The following ATOSA variants were observed in gnomAD, a reference collection of about 807,000 sequenced individuals.
ATOSA encodes the protein atos homolog A.
At chr15:52,613,883 C>T in the ATOSA span, 1 of 1,598,234 alleles carries the variant, frequency 6.3e-7, no homozygotes, top group South Asian at 1.1e-5. Context: ...GGCAAAGGGT[C>T]CTCAATTTAA....
the ATOSA span, among the ~76,000 whole-genome samples, chr15:52,600,574 T>C: frequency 4.6e-5 from 7 of 152,200 alleles, no homozygotes; most frequent in South Asian, 2.1e-4. Context: ...TCTTTCTTTA[T>C]ATTTTATATT....
the ATOSA span, among the ~76,000 whole-genome samples, chr15:52,704,938 C>A: frequency 6.6e-6 from 1 of 152,216 alleles, no homozygotes; most frequent in African/African-American, 2.4e-5. Flanking sequence ...TTGTGGAAGA[C>A]AGTGTGGCAA....
chr15:52,630,841 C>T, the ATOSA span, among the ~76,000 whole-genome samples: 2 of 152,164 alleles, frequency 1.3e-5, no homozygotes, highest in East Asian at 1.9e-4. Flanking sequence ...CAGGAGTAAA[C>T]GTAAGTACAA....
chr15:52,614,263 G>A, the ATOSA span, among the ~76,000 whole-genome samples: 4 of 151,696 alleles, frequency 2.6e-5, no homozygotes, highest in African/African-American at 9.7e-5. Flanking sequence ...GTGCCACCAC[G>A]CATGGCTATT....
chr15:52,626,512 AAAGAT>A, the ATOSA span, among the ~76,000 whole-genome samples: 2 of 140,212 alleles, frequency 1.4e-5, no homozygotes, highest in African/African-American at 5.5e-5. Context: ...CTGTGGGAGA[AAAGAT>A]AAGGGAAAGC....
the ATOSA span, chr15:52,652,057 G>GGCC: frequency 6.8e-7 from 1 of 1,471,060 alleles, no homozygotes; most frequent in Non-Finnish European, 8.9e-7. Flanking sequence ...TTTCACAAAG[G>GGCC]CAGCAGAGTA....
the ATOSA span, chr15:52,609,700 T>C: frequency 1.2e-6 from 2 of 1,613,786 alleles, no homozygotes; most frequent in Non-Finnish European, 1.7e-6. Flanking sequence ...AAGTTTTGAA[T>C]GGAGTGAACT....
the ATOSA span, among the ~76,000 whole-genome samples, chr15:52,596,838 T>C: frequency 1.3e-5 from 2 of 152,200 alleles, no homozygotes; most frequent in Admixed American, 1.3e-4. Flanking sequence ...ATCAAAAAAC[T>C]TAAAATCTTT....
At chr15:52,610,135 C>G in the ATOSA span, 2 of 1,613,968 alleles carry the variant, frequency 1.2e-6, no homozygotes, top group South Asian at 2.2e-5. Context: ...ACTGTTTGTA[C>G]CACATTGTTC....
chr15:52,661,128 T>G, the ATOSA span, among the ~76,000 whole-genome samples: 1 of 152,230 alleles, frequency 6.6e-6, no homozygotes, highest in Non-Finnish European at 1.5e-5. Flanking sequence ...ATTTGACAAT[T>G]ATCTCTAATT....
At chr15:52,703,139 G>A in the ATOSA span, among the ~76,000 whole-genome samples, 1 of 152,114 alleles carries the variant, frequency 6.6e-6, no homozygotes, top group African/African-American at 2.4e-5. Flanking sequence ...TATGCTGAAA[G>A]AAACCAGATA....
chr15:52,685,338 A>C, the ATOSA span, among the ~76,000 whole-genome samples: 27 of 152,228 alleles, frequency 1.8e-4, no homozygotes, highest in Non-Finnish European at 3.4e-4. Context: ...AATGCATCAC[A>C]AAATGGTAAG....
At chr15:52,662,713 T>A in the ATOSA span, among the ~76,000 whole-genome samples, 2 of 141,896 alleles carry the variant, frequency 1.4e-5, no homozygotes, top group Non-Finnish European at 1.5e-5. Flanking sequence ...GAGCTTGCAG[T>A]GAGCTGAGAT....
At chr15:52,614,373 T>G in the ATOSA span, among the ~76,000 whole-genome samples, 1 of 151,694 alleles carries the variant, frequency 6.6e-6, no homozygotes, top group Non-Finnish European at 1.5e-5. Flanking sequence ...CCCAATGTGC[T>G]GGGATTACAG....
the ATOSA span, among the ~76,000 whole-genome samples, chr15:52,677,634 A>T: frequency 6.6e-6 from 1 of 152,244 alleles, no homozygotes; most frequent in African/African-American, 2.4e-5. Flanking sequence ...TCAAGTTCAC[A>T]TTCAAGTTTA....
At chr15:52,681,628 T>G in the ATOSA span, among the ~76,000 whole-genome samples, 1 of 152,168 alleles carries the variant, frequency 6.6e-6, no homozygotes, top group Non-Finnish European at 1.5e-5. Flanking sequence ...TGGTGAAGGG[T>G]AAGGGTAAGC....
the ATOSA span, among the ~76,000 whole-genome samples, chr15:52,646,875 C>A: frequency 6.6e-6 from 1 of 152,128 alleles, no homozygotes; most frequent in Non-Finnish European, 1.5e-5. Flanking sequence ...TGATAGCATT[C>A]AGCACATTCT....
the ATOSA span, chr15:52,584,749 G>C: frequency 6.2e-7 from 1 of 1,609,460 alleles, no homozygotes; most frequent in South Asian, 1.1e-5. Context: ...CATTACCTCA[G>C]ATGTATGAGG....
chr15:52,585,148 A>G, the ATOSA span: 2 of 450,970 alleles, frequency 4.4e-6, no homozygotes, highest in South Asian at 3.2e-5. Context: ...TTTGTTTTAC[A>G]ATAATATAAG....
Sources: gnomAD v4.1 joint callset for allele counts (sites outside exome capture counted in the v4.1 genomes callset) on GRCh38, gnomAD v4.1.1 for gene constraint, MANE v1.5 for transcripts, NCBI Gene and HGNC (gene_info 2026-07-23, HGNC 2026-07-21) for gene names.